Variants in STRN observed in about 807,000 individuals in gnomAD.
STRN encodes the protein striatin, also known as protein phosphatase 2 regulatory subunit B'''alpha.
A neutral mutation model predicts 96.3 loss-of-function variants in STRN; 53 were observed. The ratio of observed to expected loss-of-function variants is 0.55; its 90% CI spans 0.44 to 0.69. STRN has a LOEUF of 0.69. STRN is among the 30% of genes least tolerant of loss of function. The pLI is 0.00. For missense variants in STRN, 987 were observed against 963.9 expected, an observed-to-expected ratio of 1.02 and a Z score of -0.32; for synonymous variants, 428 against 355.9, an observed-to-expected ratio of 1.20 and a Z score of -2.28.
Position 36,886,813 on chromosome 2 carries a change from C to G in STRN, c.945G>C (p.Gln315His). The change falls in exon 8 of 18, where the codon CAG (glutamine) becomes CAC (histidine). Residue 315 changes from glutamine (Q) to histidine (H), a missense_variant. Physicochemically the swap from Gln to His is conservative, Grantham distance 24 (BLOSUM62 0). Transcript: ENST00000263918. ...GDGTDWEKED[Q>H]CLMPEAWNVD... ...CATTCCAGGCTTCAGGCATGAGACACTGGTCTTCCTTTTCTAAACAGAGTG... is the reference window on the plus strand; with the variant it reads ...CATTCCAGGCTTCAGGCATGAGACAGTGGTCTTCCTTTTCTAAACAGAGTG... 1 of 1,612,562 alleles carries G rather than the reference C, an allele frequency of 6.2e-7. No individual in the cohort carries two copies. The highest frequency in any genetic ancestry group is 8.5e-7 in the Non-Finnish European group (1 of 1,179,290).
intron 10 of STRN, among the ~76,000 whole-genome samples, chr2:36,870,994 A>C (rs1367045077): frequency 6.6e-6 from 1 of 152,212 alleles, no homozygotes; most frequent in African/African-American, 2.4e-5. Context: ...AAACATTAAA[A>C]ATTTTAAAAA....
intron 9 of STRN, 65 bp from the exon 10 acceptor site, chr2:36,878,092 C>T: frequency 1.9e-6 from 3 of 1,573,588 alleles, no homozygotes; most frequent in East Asian, 4.5e-5. Flanking sequence ...GTCTCATTTG[C>T]TTGCATCAAA....
intron 1 of STRN, among the ~76,000 whole-genome samples, chr2:36,931,158 C>T (rs910355285): frequency 6.6e-6 from 1 of 152,048 alleles, no homozygotes; most frequent in African/African-American, 2.4e-5. Context: ...CTTTTTACTC[C>T]ACAGAAGTTT....
intron 1 of STRN, among the ~76,000 whole-genome samples, chr2:36,940,852 AAAAAAAAAAAG>A: frequency 7.2e-6 from 1 of 139,468 alleles, no homozygotes; most frequent in Non-Finnish European, 1.5e-5. Flanking sequence ...AAAAAAAAAA[AAAAAAAAAAAG>A]TAAATTAGGC....
At chr2:36,854,629 C>T (rs1296452396) in intron 15 of STRN, among the ~76,000 whole-genome samples, 1 of 152,118 alleles carries the variant, frequency 6.6e-6, no homozygotes, top group Non-Finnish European at 1.5e-5. Context: ...ATATGTATGT[C>T]GTATTCTTCA....
At chr2:36,885,478 A>T (rs920780465) in intron 8 of STRN, among the ~76,000 whole-genome samples, 2 of 152,152 alleles carry the variant, frequency 1.3e-5, no homozygotes, top group Non-Finnish European at 2.9e-5. Context: ...ATCAGTAAGT[A>T]TATTTGGCGA....
intron 1 of STRN, among the ~76,000 whole-genome samples, chr2:36,955,615 C>T (rs1244840124): frequency 2.0e-5 from 3 of 152,156 alleles, no homozygotes; most frequent in Non-Finnish European, 4.4e-5. Context: ...TTCTCTCTTG[C>T]CTCAAGCGTC....
At chr2:36,944,028 G>A (rs1248827399) in intron 1 of STRN, among the ~76,000 whole-genome samples, 3 of 152,088 alleles carry the variant, frequency 2.0e-5, no homozygotes. Context: ...GCTGGGGCAG[G>A]AGAATTGCTT....
chr2:36,891,898 A>C (rs1247847730), intron 7 of STRN, among the ~76,000 whole-genome samples: 3 of 152,208 alleles, frequency 2.0e-5, no homozygotes, highest in Non-Finnish European at 4.4e-5. Context: ...TGAGAGAAGG[A>C]AAAGGTATCT....
Position 36,844,059 on chromosome 2 carries a change from C to T in STRN, c.*5397G>A, listed in dbSNP as rs1403805743. On this transcript the variant is annotated 3_prime_UTR_variant, in exon 18 of 18. Transcript: ENST00000263918. ...ATTTAGGAATCTGAATTGATGACAC[C>T]CTGTGGTCAGCTCTAGTCAACTGAA... 1 of 152,034 alleles carries T rather than the reference C, an allele frequency of 6.6e-6. No homozygotes were observed. Among genetic ancestry groups the T allele is most frequent in the African/African-American group, 2.4e-5 (1 of 41,400 alleles). The allele number at this position is 152,034 out of a possible 1,614,324, so 9.4% of individuals were successfully genotyped here. A position where few individuals can be genotyped will look rare whatever the true frequency, so the allele number is the denominator to read the frequency against.
chr2:36,872,250 T>C (rs1156813622), intron 10 of STRN, among the ~76,000 whole-genome samples: 1 of 152,214 alleles, frequency 6.6e-6, no homozygotes, highest in African/African-American at 2.4e-5. Context: ...TCTTTTCACA[T>C]GCACTCACAC....
chr2:36,863,332 C>T (rs1668542224), intron 12 of STRN, among the ~76,000 whole-genome samples: 1 of 151,964 alleles, frequency 6.6e-6, no homozygotes, highest in African/African-American at 2.4e-5. Context: ...GTCTTTAATC[C>T]GTCTGAATTG....
In STRN at chr2:36,879,268, C is replaced by T. The variant is rs368674335; in HGVS notation, c.1187-1241G>A. Among the ~76,000 whole-genome samples, 26 of 151,850 alleles carry T rather than the reference C, an allele frequency of 1.7e-4. No homozygotes were observed. The East Asian group carries it at 3.7e-3, about 22-fold the overall frequency. On this transcript the variant is annotated intron_variant, in intron 9 of 17. Coordinates refer to ENST00000263918, the MANE Select transcript of STRN (RefSeq NM_003162.4). ...GTATTTTTAGTAGAGACGGGGTTTCCCCATGTTGACCAGGCTAATCTCAAA... is the reference window on the plus strand; with the variant it reads ...GTATTTTTAGTAGAGACGGGGTTTCTCCATGTTGACCAGGCTAATCTCAAA...
At chr2:36,965,901 A>G (rs887651164) in intron 1 of STRN, among the ~76,000 whole-genome samples, 18 of 152,186 alleles carry the variant, frequency 1.2e-4, no homozygotes, top group African/African-American at 3.4e-4. Context: ...AACTACTGCC[A>G]GCCCAATTAG....
rs144379395 is a variant in STRN, at chr2:36,921,467, T to C, written c.338+3638A>G. Among the ~76,000 whole-genome samples, 557 of 152,316 alleles carry C rather than the reference T, an allele frequency of 3.7e-3. 3 individuals carry two copies. The highest frequency in any genetic ancestry group is 9.5e-3 in the South Asian group (46 of 4,824). On this transcript the variant is annotated intron_variant, in intron 2 of 17. Coordinates refer to ENST00000263918, the MANE Select transcript of STRN (RefSeq NM_003162.4). ...ACTCCTTTCACTTCACTCACAATAA[T>C]ACTGATGATTCCCAAGCATATATTT... is the stretch of plus-strand genomic sequence containing the variant.
chr2:36,861,290 C>CA (rs1558625451), intron 12 of STRN, 37 bp from the exon 13 acceptor site: 1 of 1,600,520 alleles, frequency 6.2e-7, no homozygotes, highest in Admixed American at 1.7e-5. Flanking sequence ...CTGCTATTCT[C>CA]AAAAACCAAC....
chr2:36,956,714 G>T (rs1470308789), intron 1 of STRN, among the ~76,000 whole-genome samples: 1 of 152,126 alleles, frequency 6.6e-6, no homozygotes, highest in Admixed American at 6.5e-5. Flanking sequence ...AAAACTGTAG[G>T]TCTCCCTTTA....
intron 9 of STRN, among the ~76,000 whole-genome samples, chr2:36,881,715 C>T (rs1237711277): frequency 6.6e-6 from 1 of 152,176 alleles, no homozygotes; most frequent in African/African-American, 2.4e-5. Flanking sequence ...CTGTGGCTTA[C>T]ATAATGCTTT....
At chr2:36,936,270 A>G (rs1670697943) in intron 1 of STRN, among the ~76,000 whole-genome samples, 1 of 152,166 alleles carries the variant, frequency 6.6e-6, no homozygotes, top group Non-Finnish European at 1.5e-5. Context: ...GTATATGAAG[A>G]TGTAATTACT....
Sources: allele counts gnomAD v4.1 joint callset (sites outside exome capture counted in the v4.1 genomes callset), GRCh38; gene constraint gnomAD v4.1.1; transcripts MANE v1.5; gene names NCBI Gene and HGNC (gene_info 2026-07-23, HGNC 2026-07-21).